DKK4: variants seen among roughly 807,000 people sequenced by gnomAD.
DKK4 encodes dickkopf-related protein 4.
A neutral mutation model predicts 14.5 loss-of-function variants in DKK4; 15 were observed. That is an observed-to-expected ratio of 1.03 (90% CI 0.69 to 1.59). The LOEUF (loss-of-function observed/expected upper bound fraction) is 1.59, where lower values mean the gene tolerates loss of function less well. Ranked by LOEUF, DKK4 falls within the 40% of genes most tolerant of loss-of-function variation. The pLI is 0.00. For synonymous variants in DKK4, 89 were observed against 105.2 expected, an observed-to-expected ratio of 0.85 and a Z score of 0.94; for missense variants, 272 against 280.3, an observed-to-expected ratio of 0.97 and a Z score of 0.21.
At chr8:42,381,126 A>T, upstream of DKK4, among the ~76,000 whole-genome samples, 1 of 151,988 alleles carries the variant, frequency 6.6e-6, no homozygotes, top group East Asian at 1.9e-4. Context: ...AGGCAGTGAC[A>T]CAGTGACAAT....
upstream of DKK4, among the ~76,000 whole-genome samples, chr8:42,381,953 C>A (rs1824686836): frequency 6.6e-6 from 1 of 152,174 alleles, no homozygotes; most frequent in Admixed American, 6.5e-5. Context: ...GCCAAGACTA[C>A]ACTACTGCAC....
In DKK4 at chr8:42,375,665, CG is replaced by C; in HGVS notation, c.262+14del. 1 of 1,612,524 alleles carries C rather than the reference CG, an allele frequency of 6.2e-7. No individual in the cohort carries two copies. Among genetic ancestry groups the C allele is most frequent in the Non-Finnish European group, 8.5e-7 (1 of 1,179,918 alleles). ...CCTTCGGTTTAAAAACCACTGTTGG[CG>C]TTATGTCGCTCACCGTTCACACAGA... On this transcript the variant is annotated intron_variant, in intron 2 of 3. Coordinates refer to ENST00000220812, the MANE Select transcript of DKK4 (RefSeq NM_014420.3).
At chr8:42,391,182 G>A in the DKK4 span, among the ~76,000 whole-genome samples, 1 of 151,862 alleles carries the variant, frequency 6.6e-6, no homozygotes, top group Admixed American at 6.6e-5. Flanking sequence ...TCATCCTTAA[G>A]ACGAGATGAC....
At chr8:42,377,265 G>T (rs1585935206), upstream of DKK4, 1 of 532,602 alleles carries the variant, frequency 1.9e-6, no homozygotes, top group East Asian at 3.0e-5. Flanking sequence ...TTTATAACCA[G>T]ATGTGCCTCC....
chr8:42,374,686 C>G, intron 3 of DKK4, 75 bp downstream of exon 3: 1 of 1,578,824 alleles, frequency 6.3e-7, no homozygotes, highest in Non-Finnish European at 8.6e-7. Context: ...TAAAATCAGT[C>G]TCACCCTATC....
At chr8:42,387,967 G>T in the DKK4 span, among the ~76,000 whole-genome samples, 1 of 152,102 alleles carries the variant, frequency 6.6e-6, no homozygotes, top group East Asian at 1.9e-4. Context: ...ATAGCTCATT[G>T]TAGCCTTGAC....
At chr8:42,384,673 G>T in the DKK4 span, among the ~76,000 whole-genome samples, 1 of 151,844 alleles carries the variant, frequency 6.6e-6, no homozygotes, top group Admixed American at 6.6e-5. Flanking sequence ...TTTCCCTCTG[G>T]TCGTCTCCAT....
rs1251322062 is a variant in DKK4 at position 42,375,821 on chromosome 8, A to C, written c.121T>G (p.Cys41Gly). ...GTATTGCAGTCCGTGTCAGACAGGC[A>C]CTGTGAGCCCTGTGGAGGGAATCTG... ...DLHGARKGSQ[C>G]LSDTDCNTRK... Residue 41 changes from cysteine (C) to glycine (G), a missense_variant, in exon 2 of 4, where the codon TGC becomes GGC. Cys to Gly is a radical substitution (Grantham distance 159). Coordinates refer to ENST00000220812, the MANE Select transcript of DKK4 (RefSeq NM_014420.3). 15 of 1,613,888 alleles carry C rather than the reference A, an allele frequency of 9.3e-6. No individual in the cohort carries two copies. Among genetic ancestry groups the C allele is most frequent in the Non-Finnish European group, 1.3e-5 (15 of 1,179,962 alleles).
In DKK4 at chr8:42,374,369, G is replaced by A. The variant is rs1824517041; in HGVS notation, c.416-10C>T. 1 of 1,612,680 alleles carries A rather than the reference G, an allele frequency of 6.2e-7. No individual in the cohort carries two copies. The highest frequency in any genetic ancestry group is 1.7e-5 in the Admixed American group (1 of 59,504). ...CTTTCTCCCTCTTGTCCTGTAACAA[G>A]GTTAATGTGGGCTTTAGTGATAAAT... On this transcript the variant is annotated splice_polypyrimidine_tract_variant and intron_variant, in intron 3 of 3. Transcript: ENST00000220812.
At chr8:42,390,684 A>C in the DKK4 span, among the ~76,000 whole-genome samples, 1 of 151,894 alleles carries the variant, frequency 6.6e-6, no homozygotes, top group African/African-American at 2.4e-5. Flanking sequence ...CTTTTTCCTA[A>C]TCTTTCATGA....
rs908795687 is a variant in DKK4, at chr8:42,374,345, T to C, written c.430A>G (p.Ser144Gly). Reference sequence around the variant, plus strand: ...CCACAGTCAAAAGTTCTCAGACAACTTTCTCCCTCTTGTCCTGTAACAAGG... The same window carrying C: ...CCACAGTCAAAAGTTCTCAGACAACCTTCTCCCTCTTGTCCTGTAACAAGG... Reference protein sequence around the residue: ...SQGRKGQEGESCLRTFDCGPG... With the variant: ...SQGRKGQEGEGCLRTFDCGPG... The change falls in exon 4 of 4, where the codon AGT (serine) becomes GGT (glycine). Residue 144 changes from serine (S) to glycine (G), a missense_variant. Transcript: ENST00000220812. The C allele has an allele frequency of 9.3e-6, 15 of 1,613,394 alleles. No homozygotes were observed. In the African/African-American group the frequency reaches 1.7e-4, roughly 19 times the overall value.
upstream of DKK4, among the ~76,000 whole-genome samples, chr8:42,381,930 G>C (rs1824686588): frequency 6.6e-6 from 1 of 152,194 alleles, no homozygotes; most frequent in East Asian, 1.9e-4. Context: ...CCAGGAGGCA[G>C]AGGTTGCAGT....
chr8:42,388,963 G>T, the DKK4 span, among the ~76,000 whole-genome samples: 908 of 152,310 alleles, frequency 6.0e-3, 6 homozygotes, highest in Non-Finnish European at 9.9e-3. Context: ...TGTTTTTGGA[G>T]ATGGTGTCTC....
At chr8:42,389,203 A>C in the DKK4 span, among the ~76,000 whole-genome samples, 15 of 152,356 alleles carry the variant, frequency 9.8e-5, no homozygotes, top group South Asian at 2.7e-3. Flanking sequence ...TCAGTCTTCC[A>C]AACTGCTAGG....
intron 2 of DKK4, among the ~76,000 whole-genome samples, chr8:42,375,262 C>G (rs562953596): frequency 1.3e-5 from 2 of 152,082 alleles, no homozygotes; most frequent in African/African-American, 4.8e-5. Context: ...AAAGGCAAGC[C>G]GGGTCCGGTG....
At chr8:42,375,292 G>A (rs1824535496) in intron 2 of DKK4, among the ~76,000 whole-genome samples, 1 of 152,114 alleles carries the variant, frequency 6.6e-6, no homozygotes, top group African/African-American at 2.4e-5. Flanking sequence ...TGTAATCCCA[G>A]CACTTTGGGA....
the DKK4 span, among the ~76,000 whole-genome samples, chr8:42,383,404 T>C: frequency 2.2e-4 from 34 of 152,240 alleles, no homozygotes; most frequent in African/African-American, 7.5e-4. Flanking sequence ...TTCTGGGAGA[T>C]TGGGCTGGCA....
At chr8:42,381,622 C>A (rs137861906), upstream of DKK4, among the ~76,000 whole-genome samples, 1 of 152,256 alleles carries the variant, frequency 6.6e-6, no homozygotes, top group Non-Finnish European at 1.5e-5. Flanking sequence ...CCCCTGTCTG[C>A]CCTGATCTGT....
At chr8:42,387,450 C>T in the DKK4 span, among the ~76,000 whole-genome samples, 5 of 149,288 alleles carry the variant, frequency 3.3e-5, no homozygotes, top group South Asian at 8.4e-4. Flanking sequence ...CACCACCTCC[C>T]GGGTTCAAGT....
Sources: allele counts gnomAD v4.1 joint callset (sites outside exome capture counted in the v4.1 genomes callset), GRCh38; gene constraint gnomAD v4.1.1; transcripts MANE v1.5; gene names NCBI Gene and HGNC (gene_info 2026-07-23, HGNC 2026-07-21).